Variants in CCSER1 observed in about 807,000 individuals in gnomAD.
CCSER1 encodes the protein coiled-coil serine rich protein 1, also known as serine-rich coiled-coil domain-containing protein 1.
A neutral mutation model predicts 82.0 loss-of-function variants in CCSER1; 41 were observed. The ratio of observed to expected loss-of-function variants is 0.50; its 90% CI spans 0.39 to 0.65. The LOEUF (loss-of-function observed/expected upper bound fraction) is 0.65, where lower values mean the gene tolerates loss of function less well. CCSER1 is among the 30% of genes least tolerant of loss of function. The probability of loss-of-function intolerance (pLI) is 0.00; values close to 1 mark genes in which losing one functional copy is unlikely to be tolerated. For synonymous variants in CCSER1, 414 were observed against 383.9 expected (o/e 1.08, Z -0.92); for missense variants, 1,119 against 1,064.2 (o/e 1.05, Z -0.72).
intron 10 of CCSER1, among the ~76,000 whole-genome samples, chr4:91,568,744 T>C (rs1347267464): frequency 6.6e-6 from 1 of 152,192 alleles, no homozygotes; most frequent in East Asian, 1.9e-4. Context: ...AGCTCCTATA[T>C]TCTTAGTTCT....
At chr4:90,332,272 T>C (rs1739441037) in intron 3 of CCSER1, among the ~76,000 whole-genome samples, 1 of 151,936 alleles carries the variant, frequency 6.6e-6, no homozygotes, top group African/African-American at 2.4e-5. Flanking sequence ...TTTTTGCTCT[T>C]ATTGCCCAGG....
intron 10 of CCSER1, among the ~76,000 whole-genome samples, chr4:91,279,549 T>A (rs966477625): frequency 3.3e-5 from 5 of 152,102 alleles, no homozygotes; most frequent in African/African-American, 1.2e-4. Context: ...TTGAGCATTT[T>A]GTATTTCATT....
intron 1 of CCSER1, among the ~76,000 whole-genome samples, chr4:90,286,379 C>A (rs2153463249): frequency 6.6e-6 from 1 of 151,982 alleles, no homozygotes; most frequent in South Asian, 2.1e-4. Context: ...GTGAAGCAGA[C>A]TATGATTTCA....
intron 5 of CCSER1, among the ~76,000 whole-genome samples, chr4:90,557,326 T>C (rs1191985050): frequency 6.6e-6 from 1 of 152,094 alleles, no homozygotes; most frequent in Non-Finnish European, 1.5e-5. Context: ...TTTGTAAATA[T>C]CAGCAGTCTT....
At chr4:90,221,999 G>A (rs551041374) in intron 1 of CCSER1, among the ~76,000 whole-genome samples, 1 of 151,892 alleles carries the variant, frequency 6.6e-6, no homozygotes, top group East Asian at 1.9e-4. Flanking sequence ...AGAATGACTC[G>A]CATGTTTTCA....
intron 6 of CCSER1, among the ~76,000 whole-genome samples, chr4:90,710,728 T>C (rs1236767990): frequency 6.6e-6 from 1 of 152,200 alleles, no homozygotes; most frequent in Non-Finnish European, 1.5e-5. Context: ...ATTTGATTAC[T>C]TAAGCCTTGT....
At chr4:91,190,489 T>C (rs1182030753) in intron 10 of CCSER1, among the ~76,000 whole-genome samples, 1 of 152,202 alleles carries the variant, frequency 6.6e-6, no homozygotes, top group Non-Finnish European at 1.5e-5. Flanking sequence ...ATCTAAGCCT[T>C]GCTCTTGATA....
intron 9 of CCSER1, among the ~76,000 whole-genome samples, chr4:90,971,180 G>A (rs1298743740): frequency 6.6e-6 from 1 of 151,900 alleles, no homozygotes; most frequent in Non-Finnish European, 1.5e-5. Context: ...ATGGGGAAAA[G>A]AAGTTTAATT....
chr4:91,375,588 A>T (rs1272026966), intron 10 of CCSER1, among the ~76,000 whole-genome samples: 1 of 151,872 alleles, frequency 6.6e-6, no homozygotes, highest in Admixed American at 6.6e-5. Context: ...TAGCATTTCA[A>T]CTACAATGCT....
chr4:90,649,805 G>A (rs927784960), intron 6 of CCSER1, among the ~76,000 whole-genome samples: 4 of 152,120 alleles, frequency 2.6e-5, no homozygotes, highest in Non-Finnish European at 5.9e-5. Context: ...GTATAATTTA[G>A]TGAAAATAAA....
intron 10 of CCSER1, among the ~76,000 whole-genome samples, chr4:91,100,727 T>C (rs1009744374): frequency 6.6e-6 from 1 of 152,196 alleles, no homozygotes; most frequent in Non-Finnish European, 1.5e-5. Flanking sequence ...TTGTAAGCTG[T>C]TTTTCACATC....
chr4:91,220,766 A>G (rs1737664549), intron 10 of CCSER1, among the ~76,000 whole-genome samples: 1 of 152,216 alleles, frequency 6.6e-6, no homozygotes, highest in Admixed American at 6.5e-5. Context: ...ACTGAAAAAA[A>G]AGGAAAGAAA....
intron 7 of CCSER1, among the ~76,000 whole-genome samples, chr4:90,776,284 C>G (rs1048524461): frequency 1.3e-5 from 2 of 152,146 alleles, no homozygotes; most frequent in African/African-American, 2.4e-5. Context: ...TAGATCACCT[C>G]ATAGTTACTA....
intron 10 of CCSER1, among the ~76,000 whole-genome samples, chr4:91,222,214 G>A (rs1236152571): frequency 6.6e-6 from 1 of 150,942 alleles, no homozygotes; most frequent in African/African-American, 2.4e-5. Context: ...AGCAGAAGGA[G>A]GCAGCATATG....
chr4:91,153,488 C>A (rs1475632439), intron 10 of CCSER1, among the ~76,000 whole-genome samples: 2 of 151,750 alleles, frequency 1.3e-5, no homozygotes, highest in African/African-American at 2.4e-5. Context: ...TTTGTTATTA[C>A]CGATCTTCTG....
chr4:90,172,201 A>T (rs1228069308), intron 1 of CCSER1, among the ~76,000 whole-genome samples: 2 of 151,948 alleles, frequency 1.3e-5, no homozygotes, highest in Admixed American at 1.3e-4. Context: ...TATTGTCTAT[A>T]GTTACTCTAG....
chr4:90,456,519 A>G (rs1298257934), intron 4 of CCSER1, among the ~76,000 whole-genome samples: 4 of 152,188 alleles, frequency 2.6e-5, no homozygotes, highest in African/African-American at 4.8e-5. Context: ...ACACTGAGAT[A>G]TAGCCTCAGC....
At chr4:91,444,068 T>C (rs1755392780) in intron 10 of CCSER1, among the ~76,000 whole-genome samples, 1 of 152,178 alleles carries the variant, frequency 6.6e-6, no homozygotes, top group Admixed American at 6.5e-5. Context: ...GTTTTTTCAA[T>C]TAATGTATAC....
intron 10 of CCSER1, among the ~76,000 whole-genome samples, chr4:91,572,742 G>A (rs1256731549): frequency 1.3e-5 from 2 of 151,330 alleles, no homozygotes; most frequent in African/African-American, 4.9e-5. Context: ...TGGGTGGATA[G>A]CTTGAGCTCA....
Sources: allele counts gnomAD v4.1 joint callset (sites outside exome capture counted in the v4.1 genomes callset), GRCh38; gene constraint gnomAD v4.1.1; transcripts MANE v1.5; gene names NCBI Gene and HGNC (gene_info 2026-07-23, HGNC 2026-07-21).